The following ALMS1 variants were observed in gnomAD, a reference collection of about 807,000 sequenced individuals.
ALMS1 encodes the protein ALMS1 centrosome and basal body associated protein, also known as centrosome-associated protein ALMS1.
ALMS1 carries 271 observed loss-of-function variants against 352.2 expected under a neutral mutation model. That is an observed-to-expected ratio of 0.77 (90% CI 0.70 to 0.85). The LOEUF is 0.85. ALMS1 is among the 40% of genes least tolerant of loss of function. The pLI, the probability that ALMS1 is intolerant of heterozygous loss-of-function variation, is 0.00. For missense variants in ALMS1, 5,445 were observed against 4,870.7 expected (o/e 1.12, Z -3.51); for synonymous variants, 1,865 against 1,761.2 (o/e 1.06, Z -1.48).
intron 20 of ALMS1, among the ~76,000 whole-genome samples, chr2:73,602,676 C>T (rs1222705247): frequency 6.6e-6 from 1 of 152,200 alleles, no homozygotes; most frequent in East Asian, 1.9e-4. Flanking sequence ...TGATTCCAGG[C>T]TTGCCTACCT....
chr2:73,572,118 G>A, intron 15 of ALMS1, 144 bp from the exon 16 acceptor site: 1 of 693,442 alleles, frequency 1.4e-6, no homozygotes, highest in Middle Eastern at 4.1e-4. Context: ...TCAGTCTTTT[G>A]TGCAGGCAGT....
Position 73,490,129 on chromosome 2 carries a change from A to T in ALMS1, c.8170A>T (p.Lys2724Ter), listed in dbSNP as rs749047311. The T allele has an allele frequency of 6.2e-7, 1 of 1,614,202 alleles. No homozygotes were observed. Residue 2724 changes from lysine (K) to a stop codon, truncating the protein, a stop_gained, in exon 10 of 23, where the codon AAA (lysine) becomes TAA (stop). Transcript: ENST00000613296. LOFTEE classifies it high-confidence loss of function. ...CACTTTTTCATCTCACCGACATTCT[A>T]AATGCATTTCCAATTCCTCTGTTGT... ...SITFSSHRHS[K>*]CISNSSVVKV...
intron 13 of ALMS1, among the ~76,000 whole-genome samples, chr2:73,552,977 A>G (rs556186643): frequency 1.8e-4 from 28 of 152,326 alleles, no homozygotes; most frequent in African/African-American, 6.7e-4. Context: ...AAGACAATAG[A>G]GAAGGCAAAA....
At chr2:73,506,700 A>G (rs1158190950) in intron 10 of ALMS1, among the ~76,000 whole-genome samples, 1 of 152,208 alleles carries the variant, frequency 6.6e-6, no homozygotes, top group Non-Finnish European at 1.5e-5. Flanking sequence ...GGGGTTCTCT[A>G]AATATACAAT....
intron 12 of ALMS1, among the ~76,000 whole-genome samples, chr2:73,548,744 G>C (rs537386199): frequency 1.3e-5 from 2 of 152,100 alleles, no homozygotes; most frequent in African/African-American, 4.8e-5. Context: ...TGCTGGAGTC[G>C]GATGCTCAGA....
Position 73,585,642 on chromosome 2 carries a change from C to T in ALMS1, c.11547+12218C>T, listed in dbSNP as rs574291779. ...ATCTCCTGACCTCGTGATCTGCCTA[C>T]CTCAGCCTCCCAAAGTGCTGGGATT... On this transcript the variant is annotated intron_variant, in intron 16 of 22. Transcript: ENST00000613296. Among the ~76,000 whole-genome samples the T allele has an allele frequency of 2.4e-4, 37 of 152,090 alleles. No homozygotes were observed. In the East Asian group the frequency reaches 6.4e-3, roughly 26 times the overall value.
intron 16 of ALMS1, among the ~76,000 whole-genome samples, chr2:73,592,920 T>C (rs1018577158): frequency 1.3e-5 from 2 of 152,142 alleles, no homozygotes; most frequent in Non-Finnish European, 1.5e-5. Context: ...TTTGCTCTCA[T>C]AGTGGAAATT....
intron 9 of ALMS1, among the ~76,000 whole-genome samples, chr2:73,472,582 G>T (rs1002908836): frequency 6.6e-6 from 1 of 151,938 alleles, no homozygotes; most frequent in Non-Finnish European, 1.5e-5. Context: ...ATTAGTTTTC[G>T]TAGAACTCTG....
At chr2:73,563,731 A>AT (rs974257137) in intron 15 of ALMS1, among the ~76,000 whole-genome samples, 2 of 139,804 alleles carry the variant, frequency 1.4e-5, no homozygotes, top group African/African-American at 6.1e-5. Flanking sequence ...TCAAAAAAAA[A>AT]AAAAAAAAAT....
chr2:73,488,764 A>C (rs1022817865), intron 9 of ALMS1, among the ~76,000 whole-genome samples: 3 of 152,232 alleles, frequency 2.0e-5, no homozygotes, highest in Admixed American at 1.3e-4. Context: ...AGATGTTGCT[A>C]TATCATCAAA....
At chr2:73,432,918 A>C (rs1671531153) in intron 7 of ALMS1, among the ~76,000 whole-genome samples, 1 of 152,154 alleles carries the variant, frequency 6.6e-6, no homozygotes, top group African/African-American at 2.4e-5. Flanking sequence ...TGTGACTTGA[A>C]GGGAAAAAGG....
chr2:73,395,017 T>C lies in ALMS1; in HGVS notation c.324+8825T>C, dbSNP rs529933310. On this transcript the variant is annotated intron_variant, in intron 1 of 22. Coordinates refer to ENST00000613296, the MANE Select transcript of ALMS1 (RefSeq NM_001378454.1). Reference sequence around the variant, plus strand: ...ATATATATATGTGTATATATATGTGTATATATATGTGTATATATATGTGTG... The same window carrying C: ...ATATATATATGTGTATATATATGTGCATATATATGTGTATATATATGTGTG... Among the ~76,000 whole-genome samples, 49 of 144,496 alleles carry C rather than the reference T, an allele frequency of 3.4e-4. 1 individual carries two copies. The highest frequency in any genetic ancestry group is 2.5e-3 in the Admixed American group (35 of 14,144). The allele number at this position is 144,496 out of a possible 152,430, so 94.8% of individuals were successfully genotyped here.
chr2:73,467,645 C>T (rs1412069507), intron 9 of ALMS1, among the ~76,000 whole-genome samples: 1 of 151,994 alleles, frequency 6.6e-6, no homozygotes. Flanking sequence ...CAGTAGAAGA[C>T]ATGGTCAATA....
intron 12 of ALMS1, among the ~76,000 whole-genome samples, chr2:73,541,557 C>CA (rs1424046563): frequency 2.6e-5 from 4 of 152,042 alleles, no homozygotes; most frequent in Admixed American, 6.5e-5. Context: ...AAATACCCTT[C>CA]AAAAAATCAT....
At chr2:73,456,964 T>G (rs949244369) in intron 9 of ALMS1, 1 of 152,194 alleles carries the variant, frequency 6.6e-6, no homozygotes, top group African/African-American at 2.4e-5. Context: ...TTGTCTGTGT[T>G]TTTCTTAAAA....
chr2:73,431,177 A>T (rs540009284), intron 6 of ALMS1, among the ~76,000 whole-genome samples: 1 of 152,284 alleles, frequency 6.6e-6, no homozygotes, highest in South Asian at 2.1e-4. Flanking sequence ...ACAGCAAAAA[A>T]TGTTTCCAGG....
At chr2:73,472,119 T>C (rs1180450419) in intron 9 of ALMS1, among the ~76,000 whole-genome samples, 4 of 152,044 alleles carry the variant, frequency 2.6e-5, no homozygotes, top group African/African-American at 9.7e-5. Context: ...ATGATTTCAC[T>C]TATATGAAAT....
intron 1 of ALMS1, among the ~76,000 whole-genome samples, chr2:73,404,044 C>T (rs913109442): frequency 1.2e-4 from 18 of 152,214 alleles, no homozygotes; most frequent in African/African-American, 3.4e-4. Flanking sequence ...GGACTACAGG[C>T]GCGCTGCCAC....
chr2:73,401,500 A>C (rs1049384941), intron 1 of ALMS1, among the ~76,000 whole-genome samples: 1 of 152,148 alleles, frequency 6.6e-6, no homozygotes, highest in Non-Finnish European at 1.5e-5. Context: ...TTAGAAATAC[A>C]CTGTTTAACC....
Sources: allele counts gnomAD v4.1 joint callset (sites outside exome capture counted in the v4.1 genomes callset), GRCh38; gene constraint gnomAD v4.1.1; transcripts MANE v1.5; gene names NCBI Gene and HGNC (gene_info 2026-07-23, HGNC 2026-07-21).